The following GSDMC variants were observed in gnomAD, a reference collection of about 807,000 sequenced individuals.
GSDMC encodes gasdermin-C.
A neutral mutation model predicts 58.0 loss-of-function variants in GSDMC; 59 were observed. The observed-to-expected ratio is 1.02, with a 90% CI of 0.82 to 1.26. The LOEUF is 1.26. Ranked by LOEUF, GSDMC falls within the 50% of genes most tolerant of loss-of-function variation. GSDMC has a pLI of 0.00. For synonymous variants in GSDMC, 241 were observed against 220.2 expected, an observed-to-expected ratio of 1.09 and a Z score of -0.83; for missense variants, 659 against 598.5, an observed-to-expected ratio of 1.10 and a Z score of -1.06.
At chr8:129,723,289 G>A in the GSDMC span, among the ~76,000 whole-genome samples, 1 of 152,074 alleles carries the variant, frequency 6.6e-6, no homozygotes, top group Non-Finnish European at 1.5e-5. Context: ...CGCCCAAGCT[G>A]GAGTGCAGTG....
At chr8:129,763,093 G>T (rs913627071) in intron 4 of GSDMC, among the ~76,000 whole-genome samples, 2 of 151,826 alleles carry the variant, frequency 1.3e-5, no homozygotes, top group Non-Finnish European at 2.9e-5. Flanking sequence ...TTTATACTTG[G>T]GGAAAACTGC....
At chr8:129,731,733 C>T in the GSDMC span, among the ~76,000 whole-genome samples, 2 of 152,180 alleles carry the variant, frequency 1.3e-5, no homozygotes, top group Admixed American at 6.5e-5. Context: ...AAATGTCAAT[C>T]TCATGTAAAA....
the GSDMC span, among the ~76,000 whole-genome samples, chr8:129,712,636 G>T: frequency 6.6e-6 from 1 of 152,178 alleles, no homozygotes; most frequent in Non-Finnish European, 1.5e-5. Flanking sequence ...AGGCAGGTCT[G>T]GGAAGTAGAT....
At chr8:129,730,387 C>A in the GSDMC span, 2 of 1,228,726 alleles carry the variant, frequency 1.6e-6, no homozygotes, top group South Asian at 2.8e-5. Context: ...CTTGTACAGT[C>A]ATTGAAGAAA....
At chr8:129,732,319 G>A in the GSDMC span, among the ~76,000 whole-genome samples, 1 of 150,802 alleles carries the variant, frequency 6.6e-6, no homozygotes, top group South Asian at 2.1e-4. Flanking sequence ...TGAAAGAAGT[G>A]CAGAGGGCTA....
the GSDMC span, chr8:129,729,058 A>C: frequency 3.1e-6 from 2 of 637,724 alleles, no homozygotes; most frequent in African/African-American, 3.6e-5. Flanking sequence ...ACTTTGTGTC[A>C]AAAAGAAATA....
intron 10 of GSDMC, 111 bp from the exon 11 acceptor site, chr8:129,750,681 T>C (rs893039839): frequency 2.8e-6 from 3 of 1,074,200 alleles, no homozygotes; most frequent in African/African-American, 1.6e-5. Context: ...TCTATCCCTT[T>C]CAGCTGCTAA....
chr8:129,746,817 A>G (rs1374418239), downstream of GSDMC, among the ~76,000 whole-genome samples: 2 of 152,240 alleles, frequency 1.3e-5, no homozygotes, highest in Non-Finnish European at 2.9e-5. Flanking sequence ...ATCTCTCTCC[A>G]AGGAATTCTT....
intron 3 of GSDMC, among the ~76,000 whole-genome samples, chr8:129,775,205 T>C (rs970032945): frequency 2.6e-5 from 4 of 152,170 alleles, no homozygotes; most frequent in Admixed American, 6.5e-5. Flanking sequence ...AATTGTGGTA[T>C]GTGTATACGA....
chr8:129,727,433 T>G, the GSDMC span, among the ~76,000 whole-genome samples: 1 of 152,022 alleles, frequency 6.6e-6, no homozygotes, highest in Non-Finnish European at 1.5e-5. Flanking sequence ...CCCATGACAG[T>G]GTATGGCTGA....
chr8:129,775,515 A>G (rs2130543086), intron 3 of GSDMC, among the ~76,000 whole-genome samples: 1 of 151,738 alleles, frequency 6.6e-6, no homozygotes, highest in Non-Finnish European at 1.5e-5. Context: ...CGTTCTCACC[A>G]CAAAAAAAAT....
the GSDMC span, among the ~76,000 whole-genome samples, chr8:129,713,393 C>T: frequency 4.6e-4 from 49 of 106,992 alleles, no homozygotes; most frequent in African/African-American, 2.8e-3. Flanking sequence ...TCAATGGAGC[C>T]TTGTGGCCTC....
intron 6 of GSDMC, among the ~76,000 whole-genome samples, chr8:129,754,833 G>A (rs1383803053): frequency 1.3e-5 from 2 of 152,156 alleles, no homozygotes; most frequent in Non-Finnish European, 1.5e-5. Flanking sequence ...AAGAATGCCT[G>A]AGAGTCACTT....
At chr8:129,751,081 G>C (rs1471813521) in intron 10 of GSDMC, among the ~76,000 whole-genome samples, 1 of 152,136 alleles carries the variant, frequency 6.6e-6, no homozygotes, top group Admixed American at 6.5e-5. Context: ...AGACCAGCCT[G>C]GTCAACATAG....
chr8:129,732,904 A>G, the GSDMC span, among the ~76,000 whole-genome samples: 1 of 152,178 alleles, frequency 6.6e-6, no homozygotes, highest in African/African-American at 2.4e-5. Flanking sequence ...TCCCTTTCCT[A>G]GCCAAGGGAA....
At chr8:129,784,940 C>T (rs899199094) in intron 1 of GSDMC, among the ~76,000 whole-genome samples, 7 of 151,996 alleles carry the variant, frequency 4.6e-5, no homozygotes, top group South Asian at 2.1e-4. Context: ...TGGCTGGGTG[C>T]GGTGGCTCAT....
At chr8:129,753,767 C>T (rs1198282897) in intron 6 of GSDMC, among the ~76,000 whole-genome samples, 1 of 152,148 alleles carries the variant, frequency 6.6e-6, no homozygotes, top group Non-Finnish European at 1.5e-5. Context: ...GGAGAGCCCA[C>T]TTCCCTAAAG....
chr8:129,713,703 G>T, the GSDMC span, among the ~76,000 whole-genome samples: 10 of 152,146 alleles, frequency 6.6e-5, no homozygotes, highest in African/African-American at 2.2e-4. Flanking sequence ...CTTTCAGGGG[G>T]TTCAGAAGGA....
chr8:129,781,649 G>T (rs969337121), intron 1 of GSDMC, among the ~76,000 whole-genome samples: 3 of 151,930 alleles, frequency 2.0e-5, no homozygotes, highest in Admixed American at 6.6e-5. Flanking sequence ...GGAGGCTGAG[G>T]CAGGAGAATG....
Sources: allele counts gnomAD v4.1 joint callset (sites outside exome capture counted in the v4.1 genomes callset), GRCh38; gene constraint gnomAD v4.1.1; transcripts MANE v1.5; gene names NCBI Gene and HGNC (gene_info 2026-07-23, HGNC 2026-07-21).